Variants in COL6A1 observed in about 807,000 individuals in gnomAD.
The protein encoded by COL6A1 is collagen type VI alpha 1 chain, also known as collagen alpha-1(VI) chain.
A neutral mutation model predicts 145.6 loss-of-function variants in COL6A1; 80 were observed. That is an observed-to-expected ratio of 0.55 (90% CI 0.46 to 0.66). The LOEUF (loss-of-function observed/expected upper bound fraction) is 0.66, where lower values mean the gene tolerates loss of function less well. Among genes scored for constraint, COL6A1 ranks in the 30% least tolerant of loss-of-function variants. The pLI is 0.00. For missense variants in COL6A1, 1,364 were observed against 1,473.8 expected, an observed-to-expected ratio of 0.93 and a Z score of 1.22; for synonymous variants, 638 against 622.8, an observed-to-expected ratio of 1.02 and a Z score of -0.36.
Position 46,002,637 on chromosome 21 carries a change from G to A in COL6A1, c.2361G>A (p.Ser787=), listed in dbSNP as rs774817933. The change falls in exon 33 of 35, where the codon TCG becomes TCA. Residue 787 remains serine (S), a synonymous_variant. Coordinates refer to ENST00000361866, the MANE Select transcript of COL6A1 (RefSeq NM_001848.3). ...CATCCCAGGGCCGGCCCGGCCTCTC[G>A]CTGGTCAAGGAGAACTATGCAGAGC... The part of the protein sequence containing the change: ...LAPSQGRPGL[S]LVKENYAELL... 31 of 1,613,922 alleles carry A rather than the reference G, an allele frequency of 1.9e-5. No homozygotes were observed. The highest frequency in any genetic ancestry group is 1.8e-4 in the East Asian group (8 of 44,890).
intron 20 of COL6A1, among the ~76,000 whole-genome samples, chr21:45,996,526 G>A (rs78234426): frequency 0.019 from 2,869 of 152,296 alleles, 78 homozygotes; most frequent in African/African-American, 0.059. Context: ...TTGAACCACC[G>A]GACAGGCCTC....
chr21:45,997,074 C>T (rs962557791), intron 20 of COL6A1, among the ~76,000 whole-genome samples: 12 of 150,376 alleles, frequency 8.0e-5, no homozygotes, highest in Non-Finnish European at 1.0e-4. Context: ...AGGCACCAGC[C>T]GGGCACTCAC....
rs7280215 is a variant in COL6A1 at position 45,992,740 on chromosome 21, C to T, written c.1273-8C>T. The T allele has an allele frequency of 4.6e-3, 7,264 of 1,585,536 alleles. 272 individuals carry two copies. The African/African-American group carries it at 0.083, about 18-fold the overall frequency. ...TGAGGCTTCTCCCCTCCATGTCTCTCCACTCAGGGTGGCCCTGGAGAGAGA... is the reference window on the plus strand; with the variant it reads ...TGAGGCTTCTCCCCTCCATGTCTCTTCACTCAGGGTGGCCCTGGAGAGAGA... On this transcript the variant is annotated splice_polypyrimidine_tract_variant and splice_region_variant and intron_variant, in intron 18 of 34. Transcript: ENST00000361866.
At chr21:45,983,348 G>C (rs930701013) in intron 2 of COL6A1, among the ~76,000 whole-genome samples, 6 of 142,998 alleles carry the variant, frequency 4.2e-5, no homozygotes, top group Non-Finnish European at 9.6e-5. Flanking sequence ...GCTGAGGACA[G>C]ACCGGGGGGA....
intron 8 of COL6A1, among the ~76,000 whole-genome samples, chr21:45,988,663 G>A (rs1229298028): frequency 6.6e-6 from 1 of 152,160 alleles, no homozygotes; most frequent in Non-Finnish European, 1.5e-5. Context: ...GCTCACATAG[G>A]ATGACCTTAA....
At position 45,998,153 on chromosome 21, in the gene COL6A1, GGGCTTCCCC is replaced by G; in HGVS notation, c.1568_1575+1del. ...ACGGCCCCGCTGGAAATGGCACCGA[GGGCTTCCCC>G]GGCTTCCCCGTAAGTGTCCGGAGGC... is the stretch of plus-strand genomic sequence containing the variant. On this transcript the variant is annotated inframe_deletion, in exon 23 of 35. Coordinates refer to ENST00000361866, the MANE Select transcript of COL6A1 (RefSeq NM_001848.3). 6.2e-7 allele frequency: 1 copy of G among 1,612,452 alleles called. No individual in the cohort carries two copies. The highest frequency in any genetic ancestry group is 8.5e-7 in the Non-Finnish European group (1 of 1,179,762).
rs1164306722 is a variant in COL6A1 at position 46,003,165 on chromosome 21, G to A, written c.2464+16G>A. 6.2e-7 allele frequency: 1 copy of A among 1,613,900 alleles called. No homozygotes were observed. The highest frequency in any genetic ancestry group is 1.3e-5 in the African/African-American group (1 of 74,940). On this transcript the variant is annotated intron_variant, in intron 34 of 34. Coordinates refer to ENST00000361866, the MANE Select transcript of COL6A1 (RefSeq NM_001848.3). ...ACCTGCCCCAGTGAGTACCTCGGCG[G>A]CCGGGACACGTGGGGAGGAGGGCAC... is the stretch of plus-strand genomic sequence containing the variant.
In COL6A1 at chr21:46,003,700, G is replaced by A. The variant is rs530148567; in HGVS notation, c.2774G>A (p.Arg925His). The A allele has an allele frequency of 1.5e-5, 24 of 1,612,924 alleles. No individual in the cohort carries two copies. The highest frequency in any genetic ancestry group is 1.3e-4 in the South Asian group (12 of 91,088). The change falls in exon 35 of 35, where the codon CGC (arginine) becomes CAC (histidine). Residue 925 changes from arginine to histidine, a missense_variant. By Grantham distance (29) the Arg-to-His change is conservative. This residue lies in a region of COL6A1 where 938 missense variants were observed against 1,003.8 expected (regional missense o/e 0.93). Coordinates refer to ENST00000361866, the MANE Select transcript of COL6A1 (RefSeq NM_001848.3). ...AACGATGCCCTGGGCTATGTGACCC[G>A]CTTCTACCGCGAGGCCTCGTCCGGC... Reference protein sequence around the residue: ...DVNDALGYVTRFYREASSGAA... With the variant: ...DVNDALGYVTHFYREASSGAA...
chr21:45,999,188 A>C lies in COL6A1; in HGVS notation c.1710A>C (p.Ala570=), dbSNP rs763515261. 4.1e-5 allele frequency: 65 copies of C among 1,603,098 alleles called. No individual in the cohort carries two copies. The highest frequency in any genetic ancestry group is 5.4e-5 in the Non-Finnish European group (64 of 1,175,854). ...TTGCACCCCGAGGAGTCAAAGGAGC[A>C]AAGGGGTACCGGGGTCCCGAGGGCC... The part of the protein sequence containing the change: ...NDIAPRGVKG[A]KGYRGPEGPQ... Residue 570 remains alanine, a synonymous_variant, in exon 26 of 35, where the codon GCA becomes GCC. Transcript: ENST00000361866.
chr21:46,002,173 G>C (rs367916308), intron 31 of COL6A1, 45 bp from the exon 32 acceptor site: 5 of 1,573,054 alleles, frequency 3.2e-6, no homozygotes, highest in Admixed American at 1.9e-5. Flanking sequence ...TCGGCCCCGC[G>C]GCAGGCCTGG....
intron 11 of COL6A1, 140 bp downstream of exon 11, chr21:45,989,918 C>T (rs1030769008): frequency 1.7e-6 from 2 of 1,170,922 alleles, no homozygotes; most frequent in African/African-American, 3.0e-5. Context: ...CCCTCGCCGT[C>T]CCCTCCATCT....
intron 24 of COL6A1, 21 bp from the exon 25 acceptor site, chr21:45,998,876 A>T: frequency 6.4e-7 from 1 of 1,552,058 alleles, no homozygotes; most frequent in Non-Finnish European, 8.7e-7. Flanking sequence ...TTGTTAACCA[A>T]GTGCTCTCCC....
chr21:45,983,658 TG>T (rs146694264), intron 2 of COL6A1, among the ~76,000 whole-genome samples: 32 of 142,180 alleles, frequency 2.3e-4, no homozygotes, highest in East Asian at 1.9e-3. Context: ...CGGCAGTGTT[TG>T]GGGGGGGGTC....
Position 45,986,574 on chromosome 21 carries a change from G to T in COL6A1, c.477G>T (p.Gly159=), listed in dbSNP as rs747557222. Residue 159 remains glycine (G), a synonymous_variant, in exon 4 of 35, where the codon GGG becomes GGT. Transcript: ENST00000361866. The stretch of plus-strand genomic sequence containing the variant: ...AGTACCTGATTGTGGTGACCGACGG[G>T]CACCCCCTGGAGGGCTACAAGGAAC... ...ENKYLIVVTD[G]HPLEGYKEPC... is the part of the protein sequence containing the mutation. The T allele has an allele frequency of 2.6e-6, 4 of 1,564,786 alleles. No homozygotes were observed. Among genetic ancestry groups the T allele is most frequent in the Admixed American group, 3.7e-5 (2 of 53,480 alleles).
chr21:46,004,110 G>C lies in COL6A1; in HGVS notation c.*97G>C. 4.0e-6 allele frequency: 6 copies of C among 1,498,692 alleles called. No individual in the cohort carries two copies. Among genetic ancestry groups the C allele is most frequent in the Non-Finnish European group, 5.5e-6 (6 of 1,093,290 alleles). 92.8% of individuals were successfully genotyped at this position (1,498,692 alleles called of 1,614,324 possible). On this transcript the variant is annotated 3_prime_UTR_variant, in exon 35 of 35. Transcript: ENST00000361866. ...TGATGCGAATTTTCCCGACCAACCT[G>C]ATTCGCTAGATTTTTTTTAAGGAAA...
chr21:46,004,187 C>T lies in COL6A1; in HGVS notation c.*174C>T, dbSNP rs952492659. On this transcript the variant is annotated 3_prime_UTR_variant, in exon 35 of 35. Transcript: ENST00000361866. ...GCTGCCTGCTTTGTGCAGGGTCCTCCGGGGCTCAGCCCTGAGTTGGCATCA... is the reference window on the plus strand; with the variant it reads ...GCTGCCTGCTTTGTGCAGGGTCCTCTGGGGCTCAGCCCTGAGTTGGCATCA... 81 of 884,162 alleles carry T rather than the reference C, an allele frequency of 9.2e-5. No individual in the cohort carries two copies. Among genetic ancestry groups the T allele is most frequent in the Admixed American group, 4.0e-4 (16 of 39,960 alleles). 54.8% of individuals were successfully genotyped at this position (884,162 alleles called of 1,614,324 possible).
In COL6A1 at chr21:46,003,817, G is replaced by C; in HGVS notation, c.2891G>C (p.Arg964Pro). 3 of 1,606,588 alleles carry C rather than the reference G, an allele frequency of 1.9e-6. No homozygotes were observed. The highest frequency in any genetic ancestry group is 2.6e-6 in the Non-Finnish European group (3 of 1,174,780). ...GAGAAGGCCGTGCAGGAAGCCCAGC[G>C]GGCAGGCATCGAGATCTTCGTGGTG... Reference protein sequence around the residue: ...AIEKAVQEAQRAGIEIFVVVV... With the variant: ...AIEKAVQEAQPAGIEIFVVVV... Residue 964 changes from arginine to proline, a missense_variant, in exon 35 of 35, where the codon CGG becomes CCG. Physicochemically the swap from Arg to Pro is moderately radical, Grantham distance 103 (BLOSUM62 -2). This residue lies in a region of COL6A1 where 938 missense variants were observed against 1,003.8 expected (regional missense o/e 0.93). Coordinates refer to ENST00000361866, the MANE Select transcript of COL6A1 (RefSeq NM_001848.3).
rs1276672073 is a variant in COL6A1 at position 45,986,617 on chromosome 21, G to A, written c.520G>A (p.Asp174Asn). ...GYKEPCGGLEDAVNEAKHLGV... is the reference protein window; with the variant it reads ...GYKEPCGGLENAVNEAKHLGV... ...CAAGGAACCCTGTGGGGGGCTGGAGGATGCTGTGAACGAGGCCAAGCACCT... is the reference window on the plus strand; with the variant it reads ...CAAGGAACCCTGTGGGGGGCTGGAGAATGCTGTGAACGAGGCCAAGCACCT... Residue 174 changes from aspartate to asparagine, a missense_variant, in exon 4 of 35, where the codon GAT becomes AAT. This residue lies in a region of COL6A1 where 414 missense variants were observed against 437.6 expected (regional missense o/e 0.95). Transcript: ENST00000361866. 1 of 1,556,484 alleles carries A rather than the reference G, an allele frequency of 6.4e-7. No individual in the cohort carries two copies. The highest frequency in any genetic ancestry group is 1.2e-5 in the South Asian group (1 of 84,384).
In COL6A1 at chr21:45,984,285, C is replaced by A; in HGVS notation, c.244C>A (p.Arg82=). 1 of 1,608,948 alleles carries A rather than the reference C, an allele frequency of 6.2e-7. No individual in the cohort carries two copies. Among genetic ancestry groups the A allele is most frequent in the South Asian group, 1.1e-5 (1 of 90,322 alleles). Reference sequence around the variant, plus strand: ...TCCTGGCAGGTACTACCGCTGTGACCGAAACCTGGTGTGGAACGCAGGCGC... The same window carrying A: ...TCCTGGCAGGTACTACCGCTGTGACAGAAACCTGGTGTGGAACGCAGGCGC... ...NLRDRYYRCD[R]NLVWNAGALH... Residue 82 remains arginine (R), a synonymous_variant, in exon 3 of 35, where the codon CGA becomes AGA. Coordinates refer to ENST00000361866, the MANE Select transcript of COL6A1 (RefSeq NM_001848.3).
Sources: allele counts gnomAD v4.1 joint callset (sites outside exome capture counted in the v4.1 genomes callset), GRCh38; gene constraint gnomAD v4.1.1; regional missense constraint gnomAD v4.1.1; transcripts MANE v1.5; gene names NCBI Gene and HGNC (gene_info 2026-07-23, HGNC 2026-07-21).